Variants in USP22 observed in about 807,000 individuals in gnomAD.
The protein encoded by USP22 is ubiquitin specific peptidase 22.
USP22 carries 22 observed loss-of-function variants against 68.1 expected under a neutral mutation model. That is an observed-to-expected ratio of 0.32 (90% CI 0.23 to 0.46). The LOEUF (loss-of-function observed/expected upper bound fraction) is 0.46, where lower values mean the gene tolerates loss of function less well. USP22 is among the 20% of genes least tolerant of loss of function. USP22 has a pLI of 1.00. For missense variants in USP22, 433 were observed against 695.8 expected (o/e 0.62, Z 4.25); for synonymous variants, 279 against 274.2 (o/e 1.02, Z -0.17).
chr17:21,017,854 C>G lies in USP22; in HGVS notation c.690+88G>C, dbSNP rs138529926. 1.9e-3 allele frequency: 2,800 copies of G among 1,499,710 alleles called. 43 individuals carry two copies. The African/African-American group carries it at 0.03, about 16-fold the overall frequency. 92.9% of individuals were successfully genotyped at this position (1,499,710 alleles called of 1,614,324 possible). On this transcript the variant is annotated intron_variant, in intron 5 of 12. Transcript: ENST00000261497. ...CTACAAAAGGTTCTAAATGTATCTT[C>G]CTTTATCATGGTCCACCTTAAATTT...
intron 2 of USP22, among the ~76,000 whole-genome samples, chr17:21,028,001 T>C (rs1972243620): frequency 6.6e-6 from 1 of 152,014 alleles, no homozygotes; most frequent in Non-Finnish European, 1.5e-5. Flanking sequence ...AAAACTGAGT[T>C]TTATGTAACT....
intron 4 of USP22, 32 bp downstream of exon 4, chr17:21,019,052 C>A (rs754762982): frequency 3.1e-6 from 5 of 1,605,094 alleles, no homozygotes; most frequent in Non-Finnish European, 4.3e-6. Context: ...TGGAAAGAAG[C>A]CTAGCTGAGA....
At chr17:21,027,393 T>G (rs1972236035) in intron 2 of USP22, among the ~76,000 whole-genome samples, 1 of 151,718 alleles carries the variant, frequency 6.6e-6, no homozygotes, top group South Asian at 2.1e-4. Flanking sequence ...TAGAGAGCTG[T>G]AAGGGACGTG....
intron 2 of USP22, among the ~76,000 whole-genome samples, chr17:21,025,842 A>C (rs1398106758): frequency 6.6e-6 from 1 of 152,200 alleles, no homozygotes; most frequent in African/African-American, 2.4e-5. Flanking sequence ...GACAGGAGAG[A>C]GAGCAACAGG....
In USP22 at chr17:21,006,968, T is replaced by C. The variant is rs767598691; in HGVS notation, c.1250A>G (p.Lys417Arg). Residue 417 changes from lysine (K) to arginine (R), a missense_variant, in exon 10 of 13, where the codon AAG (lysine) becomes AGG (arginine). Physicochemically the swap from Lys to Arg is conservative, Grantham distance 26. This residue lies in a region of USP22 where 178 missense variants were observed against 351.5 expected (regional missense o/e 0.51). Coordinates refer to ENST00000261497, the MANE Select transcript of USP22 (RefSeq NM_015276.2). Reference sequence around the variant, plus strand: ...ATACGTGGTGATCTTCCGCCGCAGCTTGGCTGAGTGTTCAAATCGCTGCAG... The same window carrying C: ...ATACGTGGTGATCTTCCGCCGCAGCCTGGCTGAGTGTTCAAATCGCTGCAG... Reference protein sequence around the residue: ...FHLKRFEHSAKLRRKITTYVS... With the variant: ...FHLKRFEHSARLRRKITTYVS... 1.2e-6 allele frequency: 2 copies of C among 1,606,126 alleles called. No homozygotes were observed. Among genetic ancestry groups the C allele is most frequent in the East Asian group, 2.2e-5 (1 of 44,596 alleles).
intron 1 of USP22, among the ~76,000 whole-genome samples, chr17:21,040,554 A>G (rs1275630993): frequency 6.6e-6 from 1 of 152,266 alleles, no homozygotes. Context: ...TTTTGAAACT[A>G]AGCAACTGAC....
At chr17:21,011,476 G>A (rs755920342) in intron 7 of USP22, 167 bp from the exon 8 acceptor site, 39 of 853,742 alleles carry the variant, frequency 4.6e-5, no homozygotes, top group Non-Finnish European at 5.8e-5. Flanking sequence ...CACACCCAAC[G>A]TGTCCTGGCT....
At position 21,004,360 on chromosome 17, in the gene USP22, G is replaced by A. The variant is rs75324821; in HGVS notation, c.1386-9C>T. ...CAGCAAACAGGGAATACCTAGTGCA[G>A]GAGCAAAGGAGAGGGAGGGCGCAGG... On this transcript the variant is annotated splice_polypyrimidine_tract_variant and intron_variant, in intron 11 of 12. Coordinates refer to ENST00000261497, the MANE Select transcript of USP22 (RefSeq NM_015276.2). 1.5e-3 allele frequency: 2,468 copies of A among 1,613,170 alleles called. 37 individuals carry two copies. In the African/African-American group the frequency reaches 0.028, roughly 19 times the overall value.
intron 1 of USP22, among the ~76,000 whole-genome samples, chr17:21,040,810 C>T (rs1483733237): frequency 6.6e-6 from 1 of 151,882 alleles, no homozygotes; most frequent in African/African-American, 2.4e-5. Context: ...GGGCGCGTCA[C>T]GTCCCAATCC....
chr17:21,015,230 G>A (rs1406276658), intron 6 of USP22, among the ~76,000 whole-genome samples: 1 of 152,230 alleles, frequency 6.6e-6, no homozygotes, highest in African/African-American at 2.4e-5. Context: ...GCCAGGCTGT[G>A]GGACTATGTT....
At chr17:21,041,186 C>T (rs1222150189) in intron 1 of USP22, among the ~76,000 whole-genome samples, 1 of 152,044 alleles carries the variant, frequency 6.6e-6, no homozygotes, top group Non-Finnish European at 1.5e-5. Context: ...CCAAGCCAGG[C>T]CATCTTTTCT....
chr17:21,009,015 T>G (rs906282055), intron 8 of USP22, among the ~76,000 whole-genome samples: 1 of 137,608 alleles, frequency 7.3e-6, no homozygotes, highest in Non-Finnish European at 1.5e-5. Flanking sequence ...CGCTTGAACC[T>G]GGGAGATGGA....
Position 21,001,900 on chromosome 17 carries a change from A to G in USP22, c.*1131T>C, listed in dbSNP as rs2081006235. 1 of 152,248 alleles carries G rather than the reference A, an allele frequency of 6.6e-6. No individual in the cohort carries two copies. The highest frequency in any genetic ancestry group is 2.4e-5 in the African/African-American group (1 of 41,462). 9.4% of individuals were successfully genotyped at this position (152,248 alleles called of 1,614,324 possible). On this transcript the variant is annotated 3_prime_UTR_variant, in exon 13 of 13. Transcript: ENST00000261497. ...TCTTTCAGCTCTGCTGACAAGCTCA[A>G]TCACGGTGTCATTTTACTGCCACCA...
chr17:21,033,707 C>T (rs1321431696), intron 1 of USP22, among the ~76,000 whole-genome samples: 1 of 151,932 alleles, frequency 6.6e-6, no homozygotes, highest in African/African-American at 2.4e-5. Context: ...TCTTCAGTGA[C>T]TTTTTCAAGG....
chr17:21,035,603 C>T (rs971132689), intron 1 of USP22, among the ~76,000 whole-genome samples: 2 of 151,654 alleles, frequency 1.3e-5, no homozygotes, highest in African/African-American at 4.8e-5. Context: ...CAACAAGTCA[C>T]AAGGCCCAAG....
At chr17:21,018,430 T>C in intron 4 of USP22, 1 of 127,482 alleles carries the variant, frequency 7.8e-6, no homozygotes, top group Non-Finnish European at 1.6e-5. Flanking sequence ...TTAAAAATGT[T>C]CTAGGGCCAG....
chr17:21,018,153 G>A (rs1390620094), intron 4 of USP22, 42 bp from the exon 5 acceptor site: 2 of 1,508,182 alleles, frequency 1.3e-6, no homozygotes, highest in East Asian at 2.4e-5. Flanking sequence ...CCTGTGTGCT[G>A]AACCACAGGT....
chr17:21,043,010 AG>A lies in USP22; in HGVS notation c.-176del. On this transcript the variant is annotated 5_prime_UTR_variant, in exon 1 of 13. Coordinates refer to ENST00000261497, the MANE Select transcript of USP22 (RefSeq NM_015276.2). ...GCGCGATCGCCGAGGGGAGGCTGCAAGGCAGGCACCGCCCCCGAGCTGCGGC... is the reference window on the plus strand; with the variant it reads ...GCGCGATCGCCGAGGGGAGGCTGCAAGCAGGCACCGCCCCCGAGCTGCGGC... 3.1e-6 allele frequency: 1 copy of A among 326,288 alleles called. No individual in the cohort carries two copies. The allele number at this position is 326,288 out of a possible 1,614,324, so 20.2% of individuals were successfully genotyped here.
intron 11 of USP22, 125 bp downstream of exon 11, chr17:21,004,780 CGGGCAGCCAATAGTGGAGCTGCG>C: frequency 3.5e-5 from 3 of 85,640 alleles, no homozygotes; most frequent in Non-Finnish European, 6.6e-5. Context: ...AGTGGAGCTG[CGGGCAGCCAATAGTGGAGCTGCG>C]GGCAGCCAAG....
Sources: allele counts gnomAD v4.1 joint callset (sites outside exome capture counted in the v4.1 genomes callset), GRCh38; gene constraint gnomAD v4.1.1; regional missense constraint gnomAD v4.1.1; transcripts MANE v1.5; gene names NCBI Gene and HGNC (gene_info 2026-07-23, HGNC 2026-07-21).